The following NCAM1 variants were observed in gnomAD, a reference collection of about 807,000 sequenced individuals.
NCAM1 encodes neural cell adhesion molecule 1.
NCAM1 carries 14 observed loss-of-function variants against 109.8 expected under a neutral mutation model. The ratio of observed to expected loss-of-function variants is 0.13; its 90% CI spans 0.08 to 0.20. The LOEUF (loss-of-function observed/expected upper bound fraction) is 0.20. NCAM1 is among the 10% of genes least tolerant of loss of function. The pLI is 1.00. For missense variants in NCAM1, 774 were observed against 1,109.9 expected (o/e 0.70, Z 4.30); for synonymous variants, 418 against 442.9 (o/e 0.94, Z 0.70).
chr11:112,968,860 A>C (rs1379807206), intron 1 of NCAM1, among the ~76,000 whole-genome samples: 1 of 152,216 alleles, frequency 6.6e-6, no homozygotes, highest in Non-Finnish European at 1.5e-5. Flanking sequence ...ATTGAATTAC[A>C]ACAAACATTC....
In NCAM1 at chr11:113,233,428, G is replaced by A; in HGVS notation, c.1693+111G>A. 3 of 1,194,370 alleles carry A rather than the reference G, an allele frequency of 2.5e-6. No homozygotes were observed. Among genetic ancestry groups the A allele is most frequent in the South Asian group, 3.1e-5 (2 of 65,468 alleles). 74.0% of individuals were successfully genotyped at this position (1,194,370 alleles called of 1,614,324 possible). The stretch of plus-strand genomic sequence containing the variant: ...TACAGAATCAGGAACTGCACCTCCA[G>A]AATTAGGTCAAAGTCATATCTGCCT... On this transcript the variant is annotated intron_variant, in intron 13 of 19. Coordinates refer to ENST00000316851, the MANE Select transcript of NCAM1 (RefSeq NM_181351.5). The surrounding 1 kb of genome is among the most constrained non-coding windows in gnomAD (Gnocchi z 4.5).
intron 1 of NCAM1, among the ~76,000 whole-genome samples, chr11:113,122,573 C>G (rs1215673177): frequency 6.6e-6 from 1 of 152,140 alleles, no homozygotes; most frequent in African/African-American, 2.4e-5. Context: ...CACCTGAGGT[C>G]GGGAGTTTGA....
chr11:113,205,964 A>G (rs1944224307), intron 4 of NCAM1, 79 bp from the exon 5 acceptor site: 9 of 1,559,864 alleles, frequency 5.8e-6, no homozygotes, highest in Non-Finnish European at 7.9e-6. Context: ...AAGTTAGGAA[A>G]AAGGAAAGAG....
At chr11:113,121,196 A>G (rs1555095962) in intron 1 of NCAM1, among the ~76,000 whole-genome samples, 2 of 142,744 alleles carry the variant, frequency 1.4e-5, no homozygotes. Flanking sequence ...ATTTTGGGAT[A>G]TCATTTTCTG....
chr11:113,168,946 A>G (rs1942897441), intron 1 of NCAM1, among the ~76,000 whole-genome samples: 1 of 151,996 alleles, frequency 6.6e-6, no homozygotes, highest in African/African-American at 2.4e-5. Context: ...AGGACTAAAG[A>G]GGTCTTTATT....
At chr11:113,163,861 A>G in intron 1 of NCAM1, among the ~76,000 whole-genome samples, 1 of 152,082 alleles carries the variant, frequency 6.6e-6, no homozygotes, top group Non-Finnish European at 1.5e-5. Flanking sequence ...AACACCCTAG[A>G]GTATGCAGTG....
chr11:113,225,979 T>C (rs1944832617), intron 9 of NCAM1, among the ~76,000 whole-genome samples: 1 of 152,122 alleles, frequency 6.6e-6, no homozygotes, highest in Non-Finnish European at 1.5e-5. Context: ...TGCAAAAACA[T>C]GCCAAATCGT....
intron 5 of NCAM1, 69 bp from the exon 6 acceptor site, chr11:113,207,192 T>G: frequency 8.1e-7 from 1 of 1,233,480 alleles, no homozygotes; most frequent in Non-Finnish European, 1.2e-6. Flanking sequence ...TGGAGTGGTG[T>G]CTCTTCTCCA....
intron 1 of NCAM1, among the ~76,000 whole-genome samples, chr11:113,058,732 T>C (rs1377844255): frequency 6.6e-6 from 1 of 152,248 alleles, no homozygotes; most frequent in Non-Finnish European, 1.5e-5. Context: ...TTCTGCTTCT[T>C]CATGCCTCTC....
intron 1 of NCAM1, among the ~76,000 whole-genome samples, chr11:113,063,040 C>T (rs1278458935): frequency 6.6e-6 from 1 of 152,160 alleles, no homozygotes; most frequent in East Asian, 1.9e-4. Context: ...ATAACATTTG[C>T]AAAGGCCCCA....
chr11:113,086,940 A>G (rs1453687710), intron 1 of NCAM1, among the ~76,000 whole-genome samples: 1 of 152,244 alleles, frequency 6.6e-6, no homozygotes, highest in East Asian at 1.9e-4. Context: ...ATGAGTACTT[A>G]TAAGTTGATT....
At chr11:113,003,198 ATC>A (rs1951803004) in intron 1 of NCAM1, among the ~76,000 whole-genome samples, 1 of 152,234 alleles carries the variant, frequency 6.6e-6, no homozygotes, top group Admixed American at 6.5e-5. Context: ...TTGTCCAGCG[ATC>A]TCTCTTTATG....
At chr11:113,162,329 GA>G (rs199885219) in intron 1 of NCAM1, among the ~76,000 whole-genome samples, 3 of 151,102 alleles carry the variant, frequency 2.0e-5, no homozygotes, top group Admixed American at 6.6e-5. Flanking sequence ...TTAAAAAAAT[GA>G]AAAAAAAATC....
At chr11:113,012,408 A>G (rs1306525669) in intron 1 of NCAM1, among the ~76,000 whole-genome samples, 1 of 152,148 alleles carries the variant, frequency 6.6e-6, no homozygotes, top group East Asian at 1.9e-4. Context: ...TCAGTGTTAA[A>G]TTTCCTGAAC....
At position 113,233,290 on chromosome 11, in the gene NCAM1, C is replaced by T. The variant is rs1555117668; in HGVS notation, c.1666C>T (p.His556Tyr). ...GAGAGCAGTTGGTGAAGAAGTATGG[C>T]ATTCCAAGTGGTATGATGCCAAGGA... Reference protein sequence around the residue: ...EWRAVGEEVWHSKWYDAKEAS... With the variant: ...EWRAVGEEVWYSKWYDAKEAS... Residue 556 changes from histidine (H) to tyrosine (Y), a missense_variant, in exon 13 of 20, where the codon CAT (histidine) becomes TAT (tyrosine). Around this residue, in one of 4 missense-constraint regions of NCAM1, gnomAD observed 523 missense variants for 784.2 expected, o/e 0.67. Coordinates refer to ENST00000316851, the MANE Select transcript of NCAM1 (RefSeq NM_181351.5). This position sits in a 1 kb window ranked among gnomAD's most constrained non-coding sequence, Gnocchi z 4.5. The T allele has an allele frequency of 6.2e-7, 1 of 1,613,466 alleles. No homozygotes were observed. The highest frequency in any genetic ancestry group is 8.5e-7 in the Non-Finnish European group (1 of 1,179,710).
intron 1 of NCAM1, among the ~76,000 whole-genome samples, chr11:113,121,537 C>CCAAA (rs1940958830): frequency 1.1e-5 from 1 of 92,434 alleles, no homozygotes. Flanking sequence ...ACCAATCTTA[C>CCAAA]AAAAAAAAAA....
chr11:113,131,125 C>T (rs1161553435), intron 1 of NCAM1, among the ~76,000 whole-genome samples: 1 of 152,160 alleles, frequency 6.6e-6, no homozygotes, highest in African/African-American at 2.4e-5. Flanking sequence ...GAGCTTCAGA[C>T]CTTGTGGTCT....
intron 1 of NCAM1, among the ~76,000 whole-genome samples, chr11:113,105,791 G>A (rs1940128865): frequency 6.6e-6 from 1 of 152,184 alleles, no homozygotes; most frequent in Non-Finnish European, 1.5e-5. Flanking sequence ...CTGCTAAGAG[G>A]TGTGTTATGG....
chr11:113,125,538 T>G (rs1290639743), intron 1 of NCAM1, among the ~76,000 whole-genome samples: 1 of 152,212 alleles, frequency 6.6e-6, no homozygotes. Context: ...AGAGTGGCCC[T>G]TTACACGCTA....
Sources: gnomAD v4.1 joint callset for allele counts (sites outside exome capture counted in the v4.1 genomes callset) on GRCh38, gnomAD v4.1.1 for gene constraint, gnomAD v4.1.1 regional missense constraint, Gnocchi (gnomAD v3.1) non-coding constraint, MANE v1.5 for transcripts, NCBI Gene and HGNC (gene_info 2026-07-23, HGNC 2026-07-21) for gene names.